Variants in PPM1B observed in about 807,000 individuals in gnomAD.
The protein encoded by PPM1B is protein phosphatase 1B.
PPM1B carries 22 observed loss-of-function variants against 43.0 expected under a neutral mutation model. That is an observed-to-expected ratio of 0.51 (90% confidence interval 0.37 to 0.73). The LOEUF is 0.73. Ranked by LOEUF, PPM1B falls within the 30% of genes least tolerant of loss-of-function variation. The pLI is 0.00. For missense variants in PPM1B, 632 were observed against 584.2 expected, an observed-to-expected ratio of 1.08 and a Z score of -0.84; for synonymous variants, 217 against 197.9, an observed-to-expected ratio of 1.10 and a Z score of -0.81.
chr2:44,210,272 A>G (rs942701762), intron 3 of PPM1B, among the ~76,000 whole-genome samples: 12 of 148,858 alleles, frequency 8.1e-5, no homozygotes, highest in Admixed American at 3.4e-4. Flanking sequence ...GCTGGAGTAC[A>G]GTGGCATGAT....
intron 1 of PPM1B, among the ~76,000 whole-genome samples, chr2:44,175,969 A>G (rs1331772602): frequency 9.9e-5 from 15 of 152,060 alleles, no homozygotes; most frequent in Non-Finnish European, 1.5e-5. Context: ...TACTTTTAGT[A>G]GAGATGGGGT....
intron 1 of PPM1B, among the ~76,000 whole-genome samples, chr2:44,189,267 AG>A (rs1364316973): frequency 6.6e-6 from 1 of 152,172 alleles, no homozygotes; most frequent in Non-Finnish European, 1.5e-5. Context: ...TCTTGAGAAA[AG>A]ACAGAACACT....
chr2:44,243,161 T>A (rs1558439595), intron 5 of PPM1B, among the ~76,000 whole-genome samples: 1 of 152,342 alleles, frequency 6.6e-6, no homozygotes, highest in East Asian at 1.9e-4. Flanking sequence ...GGCTTTCTAC[T>A]CACTATGATT....
chr2:44,223,991 CAT>C (rs1041031795), intron 5 of PPM1B, among the ~76,000 whole-genome samples: 3 of 152,050 alleles, frequency 2.0e-5, no homozygotes, highest in Admixed American at 6.6e-5. Flanking sequence ...CTTCAAGTAA[CAT>C]GTAATTTATT....
intron 1 of PPM1B, among the ~76,000 whole-genome samples, chr2:44,198,388 T>C (rs1383125467): frequency 6.6e-6 from 1 of 152,126 alleles, no homozygotes; most frequent in Non-Finnish European, 1.5e-5. Context: ...CTCAAACTCT[T>C]TGCCTCAAGT....
At chr2:44,191,791 G>A (rs551020898) in intron 1 of PPM1B, among the ~76,000 whole-genome samples, 1 of 152,088 alleles carries the variant, frequency 6.6e-6, no homozygotes, top group East Asian at 1.9e-4. Context: ...CATGCTGTTT[G>A]GGTTCCTAAT....
chr2:44,243,952 C>T (rs1285457378), intron 5 of PPM1B, among the ~76,000 whole-genome samples: 2 of 151,952 alleles, frequency 1.3e-5, no homozygotes, highest in African/African-American at 4.8e-5. Flanking sequence ...AAGGTGAGTT[C>T]CACCAGGAAG....
chr2:44,244,642 A>T (rs1410607290), downstream of PPM1B, among the ~76,000 whole-genome samples: 1 of 151,890 alleles, frequency 6.6e-6, no homozygotes, highest in Non-Finnish European at 1.5e-5. Flanking sequence ...CCGTCTTCCG[A>T]CTGGTTTTTA....
chr2:44,238,774 G>A (rs747000699), downstream of PPM1B, among the ~76,000 whole-genome samples: 6 of 151,822 alleles, frequency 4.0e-5, no homozygotes, highest in South Asian at 2.1e-4. Flanking sequence ...AGTTTACTTC[G>A]GACTGTAACT....
chr2:44,182,348 C>T (rs911490094), intron 1 of PPM1B, among the ~76,000 whole-genome samples: 2 of 152,216 alleles, frequency 1.3e-5, no homozygotes, highest in East Asian at 1.9e-4. Flanking sequence ...CCACCTCCGC[C>T]TCCTGGGTTC....
chr2:44,230,159 T>A, intron 5 of PPM1B: 2 of 1,434,938 alleles, frequency 1.4e-6, no homozygotes, highest in South Asian at 1.6e-5. Flanking sequence ...TGAGTAAATT[T>A]CAGATTAAAC....
intron 5 of PPM1B, among the ~76,000 whole-genome samples, chr2:44,220,645 G>A (rs775939900): frequency 1.8e-4 from 27 of 152,214 alleles, no homozygotes; most frequent in Non-Finnish European, 2.9e-4. Context: ...TGTGTGTCTA[G>A]TGCAGCTTAC....
intron 1 of PPM1B, among the ~76,000 whole-genome samples, chr2:44,181,272 C>T (rs1411340271): frequency 6.6e-6 from 1 of 152,064 alleles, no homozygotes; most frequent in African/African-American, 2.4e-5. Flanking sequence ...TTCACAGGCA[C>T]CTTGAAGGAT....
At chr2:44,244,266 G>A (rs748162872) in exon 6 of PPM1B, 2 of 1,358,918 alleles carry the variant, frequency 1.5e-6, no homozygotes, top group African/African-American at 3.0e-5. Flanking sequence ...AACCTGCTGA[G>A]AGCTCTGGTG....
In PPM1B at chr2:44,209,550, G is replaced by A; in HGVS notation, c.964+223G>A. Reference sequence around the variant, plus strand: ...TAATCCCAGCACTTTGGCAGGCTGAGGCGGGCAGATCATGAGGTCAGATCG... The same window carrying A: ...TAATCCCAGCACTTTGGCAGGCTGAAGCGGGCAGATCATGAGGTCAGATCG... On this transcript the variant is annotated intron_variant, in intron 3 of 5. Transcript: ENST00000282412. 7 of 412,794 alleles carry A rather than the reference G, an allele frequency of 1.7e-5. No homozygotes were observed. In the South Asian group the frequency reaches 2.1e-4, roughly 12 times the overall value. The allele number at this position is 412,794 out of a possible 1,614,324, so 25.6% of individuals were successfully genotyped here.
downstream of PPM1B, chr2:44,234,622 C>T: frequency 2.0e-6 from 2 of 985,158 alleles, no homozygotes; most frequent in South Asian, 4.7e-5. Flanking sequence ...AAGAAAAACC[C>T]ATATTCAGTG....
At chr2:44,212,871 G>T (rs1237688093) in intron 3 of PPM1B, among the ~76,000 whole-genome samples, 2 of 151,990 alleles carry the variant, frequency 1.3e-5, no homozygotes, top group Non-Finnish European at 2.9e-5. Context: ...AAATTAGCTG[G>T]GCGTGGTGGT....
rs746019679 is a variant in PPM1B at position 44,218,513 on chromosome 2, G to T, written c.1110G>T (p.Leu370=). The T allele has an allele frequency of 2.5e-6, 4 of 1,584,046 alleles. No homozygotes were observed. The highest frequency in any genetic ancestry group is 3.4e-6 in the Non-Finnish European group (4 of 1,168,798). The change falls in exon 5 of 6, where the codon CTG becomes CTT. Residue 370 remains leucine, a synonymous_variant. Transcript: ENST00000282412. ...RNVIEAVYSR[L]NPHRESDGAS... ...TTATTGAAGCTGTTTATAGTAGACT[G>T]AATCCACATAGAGAAAGTGATGGGG...
At chr2:44,232,551 A>G, downstream of PPM1B, 4 of 1,406,940 alleles carry the variant, frequency 2.8e-6, no homozygotes, top group Middle Eastern at 2.7e-4. Flanking sequence ...GTACTACAGT[A>G]TTTTTTGCCA....
Sources: allele counts gnomAD v4.1 joint callset (sites outside exome capture counted in the v4.1 genomes callset), GRCh38; gene constraint gnomAD v4.1.1; transcripts MANE v1.5; gene names NCBI Gene and HGNC (gene_info 2026-07-23, HGNC 2026-07-21).